Variants in CWF19L2 observed in about 807,000 individuals in gnomAD.
CWF19L2 encodes CWF19-like protein 2.
A neutral mutation model predicts 111.7 loss-of-function variants in CWF19L2; 98 were observed. That is an observed-to-expected ratio of 0.88 (90% CI 0.75 to 1.04). CWF19L2 has a LOEUF of 1.04. Among genes scored for constraint, CWF19L2 ranks in the 50% least tolerant of loss-of-function variants. CWF19L2 has a pLI of 0.00. For synonymous variants in CWF19L2, 351 were observed against 342.9 expected, an observed-to-expected ratio of 1.02 and a Z score of -0.26; for missense variants, 1,101 against 1,051.4, an observed-to-expected ratio of 1.05 and a Z score of -0.65.
At chr11:107,420,709 G>A (rs1440774854) in intron 8 of CWF19L2, among the ~76,000 whole-genome samples, 2 of 151,754 alleles carry the variant, frequency 1.3e-5, no homozygotes, top group Non-Finnish European at 2.9e-5. Context: ...TTATAAATAA[G>A]GTATAGTAAG....
At position 107,436,815 on chromosome 11, in the gene CWF19L2, C is replaced by T. The variant is rs542778429; in HGVS notation, c.664+2275G>A. Among the ~76,000 whole-genome samples the T allele has an allele frequency of 2.0e-4, 31 of 152,236 alleles. 1 individual carries two copies. The South Asian group carries it at 6.2e-3, about 31-fold the overall frequency. ...GACCTGGGTTCTAGTACTACTAACACGACTACCAGAAAAATTACCTGGCCA... is the reference window on the plus strand; with the variant it reads ...GACCTGGGTTCTAGTACTACTAACATGACTACCAGAAAAATTACCTGGCCA... On this transcript the variant is annotated intron_variant, in intron 6 of 17. Transcript: ENST00000282251.
At chr11:107,362,430 C>T (rs1334672693) in intron 12 of CWF19L2, among the ~76,000 whole-genome samples, 1 of 152,122 alleles carries the variant, frequency 6.6e-6, no homozygotes, top group Non-Finnish European at 1.5e-5. Context: ...CCCTGTCTGA[C>T]AGCTTTGAAG....
chr11:107,379,394 G>A (rs1353333268), intron 12 of CWF19L2, among the ~76,000 whole-genome samples: 1 of 152,218 alleles, frequency 6.6e-6, no homozygotes, highest in Non-Finnish European at 1.5e-5. Context: ...ATCTTCTATG[G>A]TTCACAGACA....
intron 16 of CWF19L2, among the ~76,000 whole-genome samples, chr11:107,330,968 G>C (rs971302788): frequency 6.6e-6 from 1 of 152,138 alleles, no homozygotes; most frequent in Non-Finnish European, 1.5e-5. Flanking sequence ...GTATGATATA[G>C]TGGAGAGTGG....
chr11:107,446,971 T>A (rs1261121107), intron 3 of CWF19L2, among the ~76,000 whole-genome samples: 3 of 152,150 alleles, frequency 2.0e-5, no homozygotes, highest in Non-Finnish European at 2.9e-5. Context: ...CCTTCTCTTG[T>A]GCAGCCTGCA....
chr11:107,425,925 T>C (rs1362171026), intron 8 of CWF19L2, among the ~76,000 whole-genome samples: 1 of 151,958 alleles, frequency 6.6e-6, no homozygotes, highest in Non-Finnish European at 1.5e-5. Flanking sequence ...TTAGCCAATA[T>C]ATTTTCTAAC....
In CWF19L2 at chr11:107,445,716, T is replaced by A. The variant is rs138429138; in HGVS notation, c.340-2667A>T. 4.1e-4 allele frequency among the ~76,000 whole-genome samples: 62 copies of A among 152,118 alleles called. No homozygotes were observed. The East Asian group carries it at 7.5e-3, about 19-fold the overall frequency. On this transcript the variant is annotated intron_variant, in intron 3 of 17. Transcript: ENST00000282251. ...ACTCATCTTTCCTGCTCCCCTTCTT[T>A]CTCCAACCCCTCACCCCAAATACAT...
chr11:107,354,387 C>A lies in CWF19L2; in HGVS notation c.1873-651G>T, dbSNP rs78310557. 9.0e-3 allele frequency among the ~76,000 whole-genome samples: 1,364 copies of A among 152,190 alleles called. 16 individuals carry two copies. The highest frequency in any genetic ancestry group is 0.03 in the African/African-American group (1,249 of 41,530). ...AAGTTCTATCTCCTGTGTGTATAACCTTGAACATATTATTTAATTTCTCTG... is the reference window on the plus strand; with the variant it reads ...AAGTTCTATCTCCTGTGTGTATAACATTGAACATATTATTTAATTTCTCTG... On this transcript the variant is annotated intron_variant, in intron 12 of 17. Transcript: ENST00000282251.
At position 107,336,611 on chromosome 11, in the gene CWF19L2, C is replaced by A; in HGVS notation, c.2305G>T (p.Glu769Ter). The A allele has an allele frequency of 1.2e-6, 2 of 1,607,998 alleles. No individual in the cohort carries two copies. The highest frequency in any genetic ancestry group is 1.7e-6 in the Non-Finnish European group (2 of 1,177,400). ...SMKKQYHMVY[E>*]CIPLPKEVGD... ...ACTTCCTTGGGAAGAGGAATACATT[C>A]ATAAACCATGTGATACTGTTTCTTC... Residue 769 changes from glutamate to a stop codon, truncating the protein, a stop_gained, in exon 15 of 18, where the codon GAA becomes TAA. Transcript: ENST00000282251. LOFTEE classifies it high-confidence loss of function.
chr11:107,427,689 C>G (rs1008715616), intron 8 of CWF19L2, among the ~76,000 whole-genome samples: 3 of 152,078 alleles, frequency 2.0e-5, no homozygotes, highest in African/African-American at 7.2e-5. Context: ...AGTCTACCAC[C>G]CAGGGCACCT....
At chr11:107,340,387 G>A (rs1404432351) in intron 14 of CWF19L2, among the ~76,000 whole-genome samples, 1 of 152,174 alleles carries the variant, frequency 6.6e-6, no homozygotes, top group Non-Finnish European at 1.5e-5. Flanking sequence ...TGCTATGCAT[G>A]TCCAATTGCT....
At chr11:107,447,613 C>T (rs958933759) in intron 3 of CWF19L2, among the ~76,000 whole-genome samples, 6 of 152,114 alleles carry the variant, frequency 3.9e-5, no homozygotes, top group African/African-American at 9.7e-5. Context: ...TAGGTGCATA[C>T]GAACAAAACT....
intron 14 of CWF19L2, among the ~76,000 whole-genome samples, chr11:107,339,723 T>C (rs1248885861): frequency 2.7e-5 from 4 of 148,740 alleles, no homozygotes; most frequent in African/African-American, 7.5e-5. Context: ...TAGAGTGCAG[T>C]GGTGCGATCT....
rs1389859233 is a variant in CWF19L2, at chr11:107,454,474, G to GT, written c.314dup (p.Asn105LysfsTer3). ...CTGATGAGCTATCAGATGACTCATT[G>GT]TTTTTTTCATATTTCTGTTTCTTGC... On this transcript the variant is annotated frameshift_variant, in exon 3 of 18. Coordinates refer to ENST00000282251, the MANE Select transcript of CWF19L2 (RefSeq NM_152434.3). LOFTEE classifies it high-confidence loss of function. The GT allele has an allele frequency of 8.3e-6, 12 of 1,444,026 alleles. No homozygotes were observed. Among genetic ancestry groups the GT allele is most frequent in the Admixed American group, 5.9e-5 (2 of 33,684 alleles). 89.5% of individuals were successfully genotyped at this position (1,444,026 alleles called of 1,614,324 possible). A position where few individuals can be genotyped will look rare whatever the true frequency, so the allele number is the denominator to read the frequency against.
At chr11:107,404,202 C>T in intron 10 of CWF19L2, 1 of 776,866 alleles carries the variant, frequency 1.3e-6, no homozygotes. Context: ...TATGATAGAC[C>T]TTCATAAATT....
At chr11:107,355,998 T>A (rs80126595) in intron 12 of CWF19L2, among the ~76,000 whole-genome samples, 2,672 of 152,290 alleles carry the variant, frequency 0.018, 59 homozygotes, top group African/African-American at 0.06. Flanking sequence ...CAAGTCTCAA[T>A]AAATTTAAAA....
chr11:107,380,425 C>T (rs1860668149), intron 12 of CWF19L2, among the ~76,000 whole-genome samples: 1 of 152,100 alleles, frequency 6.6e-6, no homozygotes, highest in Admixed American at 6.5e-5. Context: ...CAACTGTCAA[C>T]AATTTAAACT....
chr11:107,360,056 C>T (rs1430470636), intron 12 of CWF19L2, among the ~76,000 whole-genome samples: 2 of 152,204 alleles, frequency 1.3e-5, no homozygotes, highest in Non-Finnish European at 2.9e-5. Flanking sequence ...GTATTCATCA[C>T]TCAAATAATG....
At chr11:107,348,187 C>T (rs1433986139) in intron 14 of CWF19L2, among the ~76,000 whole-genome samples, 3 of 152,124 alleles carry the variant, frequency 2.0e-5, no homozygotes, top group African/African-American at 7.2e-5. Flanking sequence ...TTTTGACATA[C>T]TTATCAGCAT....
Sources: allele counts gnomAD v4.1 joint callset (sites outside exome capture counted in the v4.1 genomes callset), GRCh38; gene constraint gnomAD v4.1.1; transcripts MANE v1.5; gene names NCBI Gene and HGNC (gene_info 2026-07-23, HGNC 2026-07-21).